Variants in SLC25A13 observed in about 807,000 individuals in gnomAD.
SLC25A13 encodes electrogenic aspartate/glutamate antiporter SLC25A13, mitochondrial.
Under a neutral mutation model 85.5 loss-of-function variants are expected in SLC25A13, and 70 were observed. The ratio of observed to expected loss-of-function variants is 0.82; its 90% CI spans 0.68 to 1.00. The LOEUF (loss-of-function observed/expected upper bound fraction) is 1.00, where lower values mean the gene tolerates loss of function less well. Ranked by LOEUF, SLC25A13 falls within the 50% of genes least tolerant of loss-of-function variation. The probability of loss-of-function intolerance (pLI) is 0.00; values close to 1 mark genes in which losing one functional copy is unlikely to be tolerated. For missense variants in SLC25A13, 765 were observed against 819.8 expected (o/e 0.93, Z 0.82); for synonymous variants, 259 against 288.7 (o/e 0.90, Z 1.04).
chr7:96,256,405 C>T (rs557937411), intron 3 of SLC25A13, among the ~76,000 whole-genome samples: 1 of 152,172 alleles, frequency 6.6e-6, no homozygotes, highest in African/African-American at 2.4e-5. Context: ...AAAAAAAAGG[C>T]AGGGGGTGCA....
At chr7:96,151,999 C>T (rs569460033) in intron 13 of SLC25A13, among the ~76,000 whole-genome samples, 129 of 152,142 alleles carry the variant, frequency 8.5e-4, no homozygotes, top group Non-Finnish European at 1.8e-3. Flanking sequence ...ACTGAGGCTA[C>T]AAAAAGTAAA....
chr7:96,133,631 T>G (rs1453195462), intron 14 of SLC25A13, among the ~76,000 whole-genome samples: 2 of 152,236 alleles, frequency 1.3e-5, no homozygotes, highest in African/African-American at 4.8e-5. Flanking sequence ...ATTCGGGCTG[T>G]TATTGTATAA....
chr7:96,226,818 T>A (rs1796344096), intron 4 of SLC25A13, among the ~76,000 whole-genome samples: 1 of 152,164 alleles, frequency 6.6e-6, no homozygotes. Context: ...TTCCCTTATT[T>A]ATTATTTCTC....
At chr7:96,283,818 T>TAAAAAAAAAAAA (rs140026811) in intron 2 of SLC25A13, 1 of 86,962 alleles carries the variant, frequency 1.1e-5, no homozygotes. Flanking sequence ...AAATAGGTGT[T>TAAAAAAAAAAAA]TAAAAAAAAA....
chr7:96,174,211 T>C (rs1370833429), intron 11 of SLC25A13, among the ~76,000 whole-genome samples: 4 of 152,234 alleles, frequency 2.6e-5, no homozygotes, highest in African/African-American at 4.8e-5. Context: ...TTCTACCTTC[T>C]TTCTCTCTTG....
chr7:96,255,370 G>A (rs774718123), intron 3 of SLC25A13, among the ~76,000 whole-genome samples: 7 of 152,150 alleles, frequency 4.6e-5, no homozygotes, highest in Admixed American at 4.6e-4. Flanking sequence ...AGCATGAATG[G>A]AAAATTTTTT....
At chr7:96,164,751 A>C (rs76176140) in intron 13 of SLC25A13, among the ~76,000 whole-genome samples, 2,066 of 93,006 alleles carry the variant, frequency 0.022, 45 homozygotes, top group African/African-American at 0.075. Flanking sequence ...CACACAAAAG[A>C]AGCAGCAGCA....
chr7:96,185,020 C>G lies in SLC25A13; in HGVS notation c.934-9G>C. 1 of 1,609,638 alleles carries G rather than the reference C, an allele frequency of 6.2e-7. No homozygotes were observed. The highest frequency in any genetic ancestry group is 8.5e-7 in the Non-Finnish European group (1 of 1,177,824). On this transcript the variant is annotated splice_polypyrimidine_tract_variant and intron_variant, in intron 9 of 17. Transcript: ENST00000265631. ...GAATCACCTGAGGCCTTCTGCTTTG[C>G]ATGCACAGGAATCAGAGAGCAGGAA...
intron 13 of SLC25A13, among the ~76,000 whole-genome samples, 173 bp from the exon 14 acceptor site, chr7:96,146,869 A>G (rs1283644122): frequency 6.6e-6 from 1 of 152,188 alleles, no homozygotes; most frequent in East Asian, 1.9e-4. Flanking sequence ...ATCAAAATAC[A>G]GTTACTGCCT....
rs546434678 is a variant in SLC25A13 at position 96,192,428 on chromosome 7, G to A, written c.615+609C>T. On this transcript the variant is annotated intron_variant, in intron 6 of 17. Coordinates refer to ENST00000265631, the MANE Select transcript of SLC25A13 (RefSeq NM_014251.3). ...GATCTCAGAATCTGTAGTTTTAATA[G>A]TTTTTAGTGGTGATTCTGGTGCTCC... 5.3e-5 allele frequency among the ~76,000 whole-genome samples: 8 copies of A among 152,288 alleles called. No individual in the cohort carries two copies. The South Asian group carries it at 1.7e-3, about 32-fold the overall frequency.
At position 96,266,822 on chromosome 7, in the gene SLC25A13, T is replaced by G. The variant is rs375699319; in HGVS notation, c.212+10374A>C. ...AAAGAAAGGGGGTTAATCAGACACC[T>G]TGAGAGAAAGGAAAAAATAACACTG... On this transcript the variant is annotated intron_variant, in intron 3 of 17. Coordinates refer to ENST00000265631, the MANE Select transcript of SLC25A13 (RefSeq NM_014251.3). Among the ~76,000 whole-genome samples the G allele has an allele frequency of 2.0e-5, 3 of 152,066 alleles. No individual in the cohort carries two copies. In the East Asian group the frequency reaches 5.8e-4, roughly 29 times the overall value.
At chr7:96,144,133 G>A (rs1482020385) in intron 14 of SLC25A13, among the ~76,000 whole-genome samples, 1 of 152,178 alleles carries the variant, frequency 6.6e-6, no homozygotes, top group Non-Finnish European at 1.5e-5. Context: ...CTAGAAAGAT[G>A]GATCTTAACC....
chr7:96,234,708 T>G, intron 4 of SLC25A13, 94 bp downstream of exon 4: 1 of 918,548 alleles, frequency 1.1e-6, no homozygotes, highest in Admixed American at 2.0e-5. Context: ...ATAAAGAATT[T>G]CCATACACTT....
chr7:96,164,746 A>ACACACACAC (rs1554344473), intron 13 of SLC25A13, among the ~76,000 whole-genome samples: 4 of 151,716 alleles, frequency 2.6e-5, no homozygotes, highest in Admixed American at 6.6e-5. Flanking sequence ...ACACACACAC[A>ACACACACAC]AAAGAAGCAG....
Position 96,146,707 on chromosome 7 carries a change from CA to C in SLC25A13, c.1312-12del, listed in dbSNP as rs771217878. The C allele has an allele frequency of 1.9e-5, 31 of 1,613,612 alleles. No individual in the cohort carries two copies. The South Asian group carries it at 3.4e-4, about 18-fold the overall frequency. ...CTGGGAGCCTCCAGCCTAAAAAGAA[CA>C]AAAAAGATTTAGGATCAAAGCAAAG... On this transcript the variant is annotated splice_polypyrimidine_tract_variant and intron_variant, in intron 13 of 17. Transcript: ENST00000265631.
intron 3 of SLC25A13, among the ~76,000 whole-genome samples, chr7:96,253,901 T>C (rs920795712): frequency 2.0e-5 from 3 of 152,142 alleles, no homozygotes; most frequent in Non-Finnish European, 4.4e-5. Flanking sequence ...TAATTATAAA[T>C]GTATATGCTT....
chr7:96,194,195 G>A (rs766490529), intron 5 of SLC25A13, among the ~76,000 whole-genome samples: 2 of 151,378 alleles, frequency 1.3e-5, no homozygotes, highest in Non-Finnish European at 2.9e-5. Context: ...AACACTTGAG[G>A]AGGCTGAGGT....
At chr7:96,251,185 C>CCAAGCACGG (rs1376584231) in intron 3 of SLC25A13, among the ~76,000 whole-genome samples, 1 of 152,054 alleles carries the variant, frequency 6.6e-6, no homozygotes, top group Non-Finnish European at 1.5e-5. Context: ...CTAGGTGGGA[C>CCAAGCACGG]CAAGCACGGC....
At chr7:96,135,686 G>T (rs1792254485) in intron 14 of SLC25A13, among the ~76,000 whole-genome samples, 2 of 152,046 alleles carry the variant, frequency 1.3e-5, no homozygotes, top group Admixed American at 1.3e-4. Flanking sequence ...ATTCTGAAAA[G>T]GCAACTTTAT....
Sources: allele counts gnomAD v4.1 joint callset (sites outside exome capture counted in the v4.1 genomes callset), GRCh38; gene constraint gnomAD v4.1.1; transcripts MANE v1.5; gene names NCBI Gene and HGNC (gene_info 2026-07-23, HGNC 2026-07-21).